Variants in PLAC9 observed in about 807,000 individuals in gnomAD.
The protein encoded by PLAC9 is placenta associated 9.
PLAC9 carries 12 observed loss-of-function variants against 11.5 expected under a neutral mutation model. The ratio of observed to expected loss-of-function variants is 1.05; its 90% confidence interval spans 0.67 to 1.69. PLAC9 has a LOEUF of 1.69. Ranked by LOEUF, PLAC9 falls within the 40% of genes most tolerant of loss-of-function variation. The pLI, the probability that PLAC9 is intolerant of heterozygous loss-of-function variation, is 0.00. For synonymous variants in PLAC9, 62 were observed against 58.1 expected (o/e 1.07, Z -0.31); for missense variants, 132 against 130.5 (o/e 1.01, Z -0.06).
At chr10:80,134,204 C>T (rs147049031) in intron 1 of PLAC9, among the ~76,000 whole-genome samples, 1,658 of 151,958 alleles carry the variant, frequency 0.011, 34 homozygotes, top group African/African-American at 0.038. Context: ...ACCCTCTCTC[C>T]CCTCCCTGGA....
At chr10:80,132,130 A>G (rs1031317246), upstream of PLAC9, among the ~76,000 whole-genome samples, 3 of 152,136 alleles carry the variant, frequency 2.0e-5, no homozygotes, top group Non-Finnish European at 2.9e-5. Context: ...TGCTAATTTC[A>G]TATCTTTGCG....
Position 80,141,019 on chromosome 10 carries a change from C to G in PLAC9, c.65-1063C>G, listed in dbSNP as rs141116796. Among the ~76,000 whole-genome samples the G allele has an allele frequency of 2.1e-3, 319 of 152,178 alleles. 2 individuals carry two copies. Among genetic ancestry groups the G allele is most frequent in the African/African-American group, 7.0e-3 (292 of 41,510 alleles). On this transcript the variant is annotated intron_variant, in intron 1 of 3. Coordinates refer to ENST00000372263, the MANE Select transcript of PLAC9 (RefSeq NM_001012973.3). ...TTTCCTACGTGTAGATTGGGCATAA[C>G]AACAGGTTGTTGGAGAGGTTAAGTT...
At position 80,144,909 on chromosome 10, in the gene PLAC9, G is replaced by T; in HGVS notation, c.293G>T (p.Ter98LeuextTer110). 6.3e-7 allele frequency: 1 copy of T among 1,575,644 alleles called. No individual in the cohort carries two copies. ...PAPDLLGDGF* is the reference protein window; with the variant it reads ...PAPDLLGDGFL ...CTCTGCTTTCTTTCAGATGGCTTCT[G>T]AGCCCTGGAGCTGGAGCCCAGCAGT... Residue 98 changes from the stop codon to leucine (L), a stop_lost, in exon 4 of 4, where the codon TGA (stop) becomes TTA (leucine). Transcript: ENST00000372263.
At position 80,144,264 on chromosome 10, in the gene PLAC9, AGGCCTGCTG is replaced by A. The variant is rs760360479; in HGVS notation, c.215_223del (p.Gly72_Leu74del). On this transcript the variant is annotated inframe_deletion, in exon 3 of 4. Coordinates refer to ENST00000372263, the MANE Select transcript of PLAC9 (RefSeq NM_001012973.3). ...TGGATCACCTGGGGACAGAGGTGAA[AGGCCTGCTG>A]GGCCTGCTGGAGGAGCTGGCCTGGA... 2 of 1,613,992 alleles carry A rather than the reference AGGCCTGCTG, an allele frequency of 1.2e-6. No homozygotes were observed. Among genetic ancestry groups the A allele is most frequent in the Non-Finnish European group, 1.7e-6 (2 of 1,179,992 alleles).
upstream of PLAC9, among the ~76,000 whole-genome samples, chr10:80,132,167 T>A (rs2784765): frequency 2.0e-3 from 302 of 151,870 alleles, 3 homozygotes; most frequent in African/African-American, 6.2e-3. Context: ...CTTTTCTTTT[T>A]AAAATTACCT....
At chr10:80,135,716 C>T (rs1314874959) in intron 1 of PLAC9, among the ~76,000 whole-genome samples, 12 of 152,064 alleles carry the variant, frequency 7.9e-5, no homozygotes, top group South Asian at 2.1e-4. Flanking sequence ...CCACCACGCC[C>T]GGCCCATATT....
At chr10:80,139,476 TC>T (rs1440358362) in intron 1 of PLAC9, among the ~76,000 whole-genome samples, 4 of 152,186 alleles carry the variant, frequency 2.6e-5, no homozygotes, top group African/African-American at 9.7e-5. Context: ...TTCAGCTCCA[TC>T]CAGCCATCTG....
intron 1 of PLAC9, among the ~76,000 whole-genome samples, chr10:80,136,085 C>T (rs532226719): frequency 1.3e-5 from 2 of 152,284 alleles, no homozygotes; most frequent in East Asian, 1.9e-4. Context: ...TAGAAGCACC[C>T]GTACTTCCGC....
chr10:80,143,557 C>A (rs1358387186), intron 2 of PLAC9, among the ~76,000 whole-genome samples: 1 of 151,564 alleles, frequency 6.6e-6, no homozygotes, highest in East Asian at 1.9e-4. Flanking sequence ...CCACCATGCC[C>A]GGCTTCTTTT....
At position 80,144,907 on chromosome 10, in the gene PLAC9, C is replaced by T. The variant is rs1129746; in HGVS notation, c.291C>T (p.Phe97=). ...GCCTCTGCTTTCTTTCAGATGGCTT[C>T]TGAGCCCTGGAGCTGGAGCCCAGCA... ...SPAPDLLGDG[F] is the part of the protein sequence containing the mutation. The change falls in exon 4 of 4, where the codon TTC becomes TTT. Residue 97 remains phenylalanine, a synonymous_variant. Coordinates refer to ENST00000372263, the MANE Select transcript of PLAC9 (RefSeq NM_001012973.3). 155 of 1,576,370 alleles carry T rather than the reference C, an allele frequency of 9.8e-5. No homozygotes were observed. Among genetic ancestry groups the T allele is most frequent in the Non-Finnish European group, 1.3e-4 (149 of 1,160,546 alleles).
At chr10:80,132,852 G>A in intron 1 of PLAC9, 26 bp downstream of exon 1, 12 of 1,478,856 alleles carry the variant, frequency 8.1e-6, no homozygotes, top group African/African-American at 2.9e-5. Flanking sequence ...GGCGCGGCAG[G>A]GGACCTGGAG....
chr10:80,140,703 T>C lies in PLAC9; in HGVS notation c.65-1379T>C, dbSNP rs1845030383. 3.9e-5 allele frequency among the ~76,000 whole-genome samples: 6 copies of C among 152,114 alleles called. No individual in the cohort carries two copies. In the East Asian group the frequency reaches 1.2e-3, roughly 29 times the overall value. ...GGAAGAGCTAACTCAAGGAGAACAA[T>C]GGTGAATCAAGAGTTGAGAGGGGTT... On this transcript the variant is annotated intron_variant, in intron 1 of 3. Coordinates refer to ENST00000372263, the MANE Select transcript of PLAC9 (RefSeq NM_001012973.3).
intron 1 of PLAC9, 91 bp from the exon 2 acceptor site, chr10:80,141,991 G>C (rs1487960575): frequency 9.8e-7 from 1 of 1,022,948 alleles, no homozygotes; most frequent in Non-Finnish European, 1.4e-6. Flanking sequence ...TTGCTTTGAG[G>C]ACTGACCTCA....
upstream of PLAC9, chr10:80,131,937 A>C (rs1844917533): frequency 6.6e-6 from 1 of 152,266 alleles, no homozygotes; most frequent in African/African-American, 2.4e-5. Context: ...GCTCTGCAGC[A>C]GAGAAGTTAG....
At chr10:80,135,524 C>A (rs1397397627) in intron 1 of PLAC9, among the ~76,000 whole-genome samples, 1 of 150,808 alleles carries the variant, frequency 6.6e-6, no homozygotes, top group Non-Finnish European at 1.5e-5. Flanking sequence ...ACGGGGGCTG[C>A]GGGGGAGTTT....
At chr10:80,137,501 A>T (rs34378235) in intron 1 of PLAC9, among the ~76,000 whole-genome samples, 9,026 of 152,132 alleles carry the variant, frequency 0.059, 387 homozygotes, top group Non-Finnish European at 0.096. Flanking sequence ...GTATCCACAG[A>T]CTCATGACAA....
intron 1 of PLAC9, among the ~76,000 whole-genome samples, chr10:80,136,443 T>C (rs1342673055): frequency 1.3e-5 from 2 of 152,140 alleles, no homozygotes; most frequent in Non-Finnish European, 2.9e-5. Context: ...AGCCCTGTGG[T>C]GCATGTGCGT....
chr10:80,144,233 A>G lies in PLAC9; in HGVS notation c.173A>G (p.Lys58Arg), dbSNP rs2132339403. The G allele has an allele frequency of 3.7e-6, 6 of 1,614,166 alleles. No homozygotes were observed. In the East Asian group the frequency reaches 1.3e-4, roughly 36 times the overall value. Residue 58 changes from lysine (K) to arginine (R), a missense_variant, in exon 3 of 4, where the codon AAG (lysine) becomes AGG (arginine). Physicochemically the swap from Lys to Arg is conservative, Grantham distance 26. Coordinates refer to ENST00000372263, the MANE Select transcript of PLAC9 (RefSeq NM_001012973.3). The part of the protein sequence containing the change: ...RLDVMEEMVE[K>R]TVDHLGTEVK... ...CACTTCCCACTCTAGATGGTAGAGA[A>G]GACCGTGGATCACCTGGGGACAGAG... is the stretch of plus-strand genomic sequence containing the variant.
upstream of PLAC9, chr10:80,132,695 C>A: frequency 3.0e-6 from 4 of 1,323,392 alleles, no homozygotes; most frequent in South Asian, 1.5e-5. Flanking sequence ...CCTCTCGGGC[C>A]GGCCGGGTGC....
Sources: allele counts gnomAD v4.1 joint callset (sites outside exome capture counted in the v4.1 genomes callset), GRCh38; gene constraint gnomAD v4.1.1; transcripts MANE v1.5; gene names NCBI Gene and HGNC (gene_info 2026-07-23, HGNC 2026-07-21).